The following MMP15 variants were observed in gnomAD, a reference collection of about 807,000 sequenced individuals.
MMP15 encodes matrix metallopeptidase 15, also known as matrix metalloproteinase-15.
In MMP15, 36 loss-of-function variants were observed where a neutral mutation model predicts 65.0. The observed-to-expected ratio is 0.55, with a 90% CI of 0.42 to 0.73. MMP15 has a LOEUF of 0.73. MMP15 is among the 30% of genes least tolerant of loss of function. The pLI, the probability that MMP15 is intolerant of heterozygous loss-of-function variation, is 0.00. For synonymous variants in MMP15, 428 were observed against 410.2 expected (o/e 1.04, Z -0.52); for missense variants, 870 against 987.8 (o/e 0.88, Z 1.60).
rs1445870677 is a variant in MMP15 at position 58,026,604 on chromosome 16, C to T, written c.162+92C>T. ...GGCTGGGACTTGGAGGTGGAGGGAG[C>T]GGAGACGCGCCCCCTGTTCTGGGCC... On this transcript the variant is annotated intron_variant, in intron 1 of 9. Transcript: ENST00000219271. 7 of 1,232,000 alleles carry T rather than the reference C, an allele frequency of 5.7e-6. No individual in the cohort carries two copies. The African/African-American group carries it at 7.9e-5, about 14-fold the overall frequency. The allele number at this position is 1,232,000 out of a possible 1,614,324, so 76.3% of individuals were successfully genotyped here. A position where few individuals can be genotyped will look rare whatever the true frequency, so the allele number is the denominator to read the frequency against.
chr16:58,029,566 C>T (rs1963868324), intron 1 of MMP15, among the ~76,000 whole-genome samples: 1 of 152,232 alleles, frequency 6.6e-6, no homozygotes, highest in Non-Finnish European at 1.5e-5. Context: ...TCTCATTGGG[C>T]CATGCCCTTC....
intron 1 of MMP15, among the ~76,000 whole-genome samples, chr16:58,030,078 C>T (rs906159832): frequency 1.3e-5 from 2 of 152,188 alleles, no homozygotes; most frequent in Non-Finnish European, 2.9e-5. Context: ...GAATGGGTAT[C>T]CTCCATATCA....
At chr16:58,031,852 C>CTTTTT (rs1567428486) in intron 1 of MMP15, among the ~76,000 whole-genome samples, 4 of 123,358 alleles carry the variant, frequency 3.2e-5, no homozygotes, top group African/African-American at 1.5e-4. Context: ...CTCGATGCCG[C>CTTTTT]CTTTTTTTTT....
At position 58,041,758 on chromosome 16, in the gene MMP15, GC is replaced by G. The variant is rs1472782316; in HGVS notation, c.1058del (p.Pro353GlnfsTer102). On this transcript the variant is annotated frameshift_variant, in exon 6 of 10. Coordinates refer to ENST00000219271, the MANE Select transcript of MMP15 (RefSeq NM_002428.4). LOFTEE classifies it high-confidence loss of function. ...GGKPERPPKPGPPVQPRATER... is the reference protein window; with the variant it reads ...GGKPERPPKPXPPVQPRATER... ...AAGCCAGAGCGGCCCCCAAAGCCGGGCCCCCCAGTCCAGCCCCGAGCCACAG... is the reference window on the plus strand; with the variant it reads ...AAGCCAGAGCGGCCCCCAAAGCCGGGCCCCCAGTCCAGCCCCGAGCCACAG... 1 of 1,603,598 alleles carries G rather than the reference GC, an allele frequency of 6.2e-7. No individual in the cohort carries two copies. The highest frequency in any genetic ancestry group is 1.7e-5 in the Admixed American group (1 of 58,904).
In MMP15 at chr16:58,040,133, C is replaced by G. The variant is rs1959421354; in HGVS notation, c.699C>G (p.Thr233=). ...CTGGCCCCGGCCTAGGCGGGGACAC[C>G]CATTTTGACGCAGATGAGCCCTGGA... ...YFPGPGLGGD[T]HFDADEPWTF... is the part of the protein sequence containing the mutation. Residue 233 remains threonine (T), a synonymous_variant, in exon 4 of 10, where the codon ACC becomes ACG. Transcript: ENST00000219271. 6.2e-7 allele frequency: 1 copy of G among 1,613,366 alleles called. No individual in the cohort carries two copies. Among genetic ancestry groups the G allele is most frequent in the African/African-American group, 1.3e-5 (1 of 74,956 alleles).
At chr16:58,026,777 C>T (rs1290436883) in intron 1 of MMP15, among the ~76,000 whole-genome samples, 2 of 152,362 alleles carry the variant, frequency 1.3e-5, no homozygotes, top group Admixed American at 1.3e-4. Flanking sequence ...GCCCCCACCC[C>T]GACCCCCTTA....
At position 58,041,646 on chromosome 16, in the gene MMP15, C is replaced by G; in HGVS notation, c.940C>G (p.Gln314Glu). 1 of 1,581,360 alleles carries G rather than the reference C, an allele frequency of 6.3e-7. No individual in the cohort carries two copies. The highest frequency in any genetic ancestry group is 8.6e-7 in the Non-Finnish European group (1 of 1,164,094). The change falls in exon 6 of 10, where the codon CAG becomes GAG. Residue 314 changes from glutamine (Q) to glutamate (E), a missense_variant. Gln to Glu is a conservative substitution (Grantham distance 29, BLOSUM62 2). Transcript: ENST00000219271. ...CCCAGACGGTCAGCCACAGCCTACC[C>G]AGCCTCTCCCCACTGTGACGCCACG... ...GTPDGQPQPT[Q>E]PLPTVTPRRP... is the part of the protein sequence containing the mutation.
At chr16:58,038,690 G>A (rs948487835) in intron 3 of MMP15, among the ~76,000 whole-genome samples, 2 of 152,198 alleles carry the variant, frequency 1.3e-5, no homozygotes, top group African/African-American at 4.8e-5. Context: ...GATGGCTGGG[G>A]TGCAGGAATC....
chr16:58,034,962 C>G (rs528072834), intron 1 of MMP15, among the ~76,000 whole-genome samples: 28 of 149,816 alleles, frequency 1.9e-4, no homozygotes, highest in African/African-American at 6.6e-4. Context: ...TCCGCAGATA[C>G]CGCTAATCAG....
chr16:58,040,057 A>G lies in MMP15; in HGVS notation c.623A>G (p.Asp208Gly). 1 of 1,614,148 alleles carries G rather than the reference A, an allele frequency of 6.2e-7. No homozygotes were observed. Residue 208 changes from aspartate (D) to glycine (G), a missense_variant, in exon 4 of 10, where the codon GAC becomes GGC. Physicochemically the swap from Asp to Gly is moderately conservative, Grantham distance 94 (BLOSUM62 -1). Coordinates refer to ENST00000219271, the MANE Select transcript of MMP15 (RefSeq NM_002428.4). The part of the protein sequence containing the change: ...MVLFASGFHG[D>G]SSPFDGTGGF... ...CTCTTTGCCTCTGGCTTCCACGGCG[A>G]CAGCTCGCCGTTTGATGGCACCGGT...
At position 58,033,586 on chromosome 16, in the gene MMP15, C is replaced by T. The variant is rs1023774860; in HGVS notation, c.163-3886C>T. Among the ~76,000 whole-genome samples the T allele has an allele frequency of 1.4e-4, 22 of 152,144 alleles. 1 individual carries two copies. The highest frequency in any genetic ancestry group is 3.9e-4 in the Admixed American group (6 of 15,270). On this transcript the variant is annotated intron_variant, in intron 1 of 9. Coordinates refer to ENST00000219271, the MANE Select transcript of MMP15 (RefSeq NM_002428.4). The stretch of plus-strand genomic sequence containing the variant: ...CACTTACCTGAAGTGTCAATAAATA[C>T]GAATGGGATGGGGTCTGGAAGTCAA...
At chr16:58,035,055 G>A (rs1959302551) in intron 1 of MMP15, among the ~76,000 whole-genome samples, 1 of 152,096 alleles carries the variant, frequency 6.6e-6, no homozygotes, top group South Asian at 2.1e-4. Context: ...TCATCTGCCG[G>A]CAGCCAGTCC....
chr16:58,033,548 C>T (rs1959275688), intron 1 of MMP15, among the ~76,000 whole-genome samples: 1 of 152,196 alleles, frequency 6.6e-6, no homozygotes, highest in African/African-American at 2.4e-5. Flanking sequence ...CCTGGTGGCC[C>T]ATATCTCCTT....
At chr16:58,035,247 G>C (rs1597063489) in intron 1 of MMP15, among the ~76,000 whole-genome samples, 1 of 152,370 alleles carries the variant, frequency 6.6e-6, no homozygotes, top group Non-Finnish European at 1.5e-5. Flanking sequence ...TGCTTGGGAA[G>C]AACAGGGAGG....
intron 9 of MMP15, among the ~76,000 whole-genome samples, chr16:58,044,217 G>A (rs1959509683): frequency 6.6e-6 from 1 of 152,344 alleles, no homozygotes; most frequent in Admixed American, 6.5e-5. Flanking sequence ...AGGCCGATGC[G>A]AGAGGATCGC....
chr16:58,028,889 A>G (rs962908287), intron 1 of MMP15, among the ~76,000 whole-genome samples: 1 of 152,186 alleles, frequency 6.6e-6, no homozygotes, highest in Non-Finnish European at 1.5e-5. Flanking sequence ...TGGATGTCCA[A>G]TCCCAGTCTG....
At chr16:58,041,928 CCT>C in intron 6 of MMP15, 58 bp downstream of exon 6, 1 of 1,509,864 alleles carries the variant, frequency 6.6e-7, no homozygotes, top group Non-Finnish European at 8.9e-7. Context: ...CTCTGGGCCC[CCT>C]GTCCCACCCT....
chr16:58,026,505 A>G lies in MMP15; in HGVS notation c.155A>G (p.His52Arg). 3.7e-6 allele frequency: 5 copies of G among 1,354,460 alleles called. No individual in the cohort carries two copies. The highest frequency in any genetic ancestry group is 4.8e-6 in the Non-Finnish European group (5 of 1,051,222). 83.9% of individuals were successfully genotyped at this position (1,354,460 alleles called of 1,614,324 possible). ...GTAGCGGCCGAAGACGCGGAGGTCC[A>G]TGCCGAGGTAAGACCCCCGCCCTGC... ...LGVAAEDAEV[H>R]AENWLRLYGY... The change falls in exon 1 of 10, where the codon CAT (histidine) becomes CGT (arginine). Residue 52 changes from histidine to arginine, a missense_variant. By Grantham distance (29) the His-to-Arg change is conservative. Transcript: ENST00000219271.
Position 58,037,335 on chromosome 16 carries a change from G to A in MMP15, c.163-137G>A, listed in dbSNP as rs1050865064. 26 of 1,106,634 alleles carry A rather than the reference G, an allele frequency of 2.3e-5. No homozygotes were observed. In the Admixed American group the frequency reaches 3.5e-4, roughly 15 times the overall value. The allele number at this position is 1,106,634 out of a possible 1,614,324, so 68.6% of individuals were successfully genotyped here. On this transcript the variant is annotated intron_variant, in intron 1 of 9. Transcript: ENST00000219271. ...GGGAGGAGGGTGCTGAGGCTCACACGGTCACCTGGGCAGGAGGTGATGACG... is the reference window on the plus strand; with the variant it reads ...GGGAGGAGGGTGCTGAGGCTCACACAGTCACCTGGGCAGGAGGTGATGACG...
Sources: allele counts gnomAD v4.1 joint callset (sites outside exome capture counted in the v4.1 genomes callset), GRCh38; gene constraint gnomAD v4.1.1; transcripts MANE v1.5; gene names NCBI Gene and HGNC (gene_info 2026-07-23, HGNC 2026-07-21).